Variants in BMP7 observed in about 807,000 individuals in gnomAD.
BMP7 encodes the protein osteogenic protein 1.
In BMP7, 12 loss-of-function variants were observed where a neutral mutation model predicts 41.2. That is an observed-to-expected ratio of 0.29 (90% CI 0.19 to 0.47). The LOEUF (loss-of-function observed/expected upper bound fraction) is 0.47, where lower values mean the gene tolerates loss of function less well. BMP7 is among the 20% of genes least tolerant of loss of function. The pLI is 0.99. For missense variants in BMP7, 467 were observed against 606.0 expected (o/e 0.77, Z 2.41); for synonymous variants, 248 against 250.0 (o/e 0.99, Z 0.07).
intron 3 of BMP7, among the ~76,000 whole-genome samples, chr20:57,201,527 G>T (rs1984619326): frequency 6.6e-6 from 1 of 152,252 alleles, no homozygotes; most frequent in African/African-American, 2.4e-5. Flanking sequence ...AGAAACAGCA[G>T]TTGTCCCTGG....
In BMP7 at chr20:57,235,945, A is replaced by C. The variant is rs981550565; in HGVS notation, c.419-7524T>G. Among the ~76,000 whole-genome samples, 37 of 151,890 alleles carry C rather than the reference A, an allele frequency of 2.4e-4. 1 individual carries two copies. Among genetic ancestry groups the C allele is most frequent in the African/African-American group, 8.9e-4 (37 of 41,440 alleles). ...GGACAGAGGCAGGGAGTGAGGACAG[A>C]GGCAGGGAGTGAGGACAGAGGCAGG... On this transcript the variant is annotated intron_variant, in intron 1 of 6. Coordinates refer to ENST00000395863, the MANE Select transcript of BMP7 (RefSeq NM_001719.3).
At chr20:57,225,058 G>A (rs775447462) in intron 2 of BMP7, among the ~76,000 whole-genome samples, 9 of 152,206 alleles carry the variant, frequency 5.9e-5, no homozygotes, top group African/African-American at 1.7e-4. Context: ...GGCAGCTGGC[G>A]GCACAGAGAC....
At chr20:57,227,095 G>A (rs2066010125) in intron 2 of BMP7, among the ~76,000 whole-genome samples, 1 of 152,124 alleles carries the variant, frequency 6.6e-6, no homozygotes, top group Admixed American at 6.5e-5. Flanking sequence ...CCAAAGTGCT[G>A]GGATTACAGG....
intron 1 of BMP7, among the ~76,000 whole-genome samples, chr20:57,232,772 C>G (rs2066033841): frequency 6.6e-6 from 1 of 151,786 alleles, no homozygotes; most frequent in African/African-American, 2.4e-5. Flanking sequence ...CAATGTTACT[C>G]TATTCTCCCT....
intron 1 of BMP7, among the ~76,000 whole-genome samples, chr20:57,232,379 C>T (rs1221538461): frequency 6.6e-6 from 1 of 152,040 alleles, no homozygotes; most frequent in East Asian, 1.9e-4. Flanking sequence ...GCAACATGTG[C>T]TGTGGGCATT....
intron 1 of BMP7, among the ~76,000 whole-genome samples, chr20:57,234,860 G>A (rs184103161): frequency 6.6e-6 from 1 of 152,292 alleles, no homozygotes; most frequent in East Asian, 1.9e-4. Context: ...TACTCTTCAC[G>A]CAATTCCTTT....
chr20:57,196,648 G>T (rs769013624), intron 3 of BMP7, among the ~76,000 whole-genome samples: 2 of 152,158 alleles, frequency 1.3e-5, no homozygotes, highest in African/African-American at 4.8e-5. Flanking sequence ...CAGGGCCCAC[G>T]AAAACACTAT....
chr20:57,217,087 G>A (rs1985049499), intron 2 of BMP7, among the ~76,000 whole-genome samples: 1 of 152,148 alleles, frequency 6.6e-6, no homozygotes, highest in African/African-American at 2.4e-5. Flanking sequence ...CTCAGCTGGA[G>A]AAAGCTTTCC....
intron 2 of BMP7, among the ~76,000 whole-genome samples, chr20:57,204,409 A>G (rs998872386): frequency 5.3e-5 from 8 of 152,358 alleles, no homozygotes; most frequent in African/African-American, 1.7e-4. Flanking sequence ...AGGCACATCA[A>G]TGTGAACAAG....
intron 2 of BMP7, among the ~76,000 whole-genome samples, chr20:57,212,478 C>T (rs574700522): frequency 6.7e-4 from 102 of 152,334 alleles, no homozygotes; most frequent in African/African-American, 2.3e-3. Context: ...CGCTCCCCGA[C>T]CCCTAGTCTG....
chr20:57,195,243 A>C (rs1263022266), intron 3 of BMP7, among the ~76,000 whole-genome samples: 1 of 152,168 alleles, frequency 6.6e-6, no homozygotes, highest in African/African-American at 2.4e-5. Flanking sequence ...CAGGGGTGGC[A>C]TCTCGGTTTC....
intron 2 of BMP7, among the ~76,000 whole-genome samples, chr20:57,219,620 C>T (rs535092628): frequency 3.3e-5 from 5 of 152,232 alleles, no homozygotes; most frequent in South Asian, 4.1e-4. Flanking sequence ...GTCACTACTG[C>T]GGAGGCTCGG....
intron 1 of BMP7, among the ~76,000 whole-genome samples, chr20:57,247,767 A>T (rs2066096078): frequency 1.3e-5 from 2 of 152,104 alleles, no homozygotes; most frequent in African/African-American, 4.8e-5. Flanking sequence ...TGCTCTGTTC[A>T]TCCTCCACTC....
Position 57,169,653 on chromosome 20 carries a change from C to T in BMP7, c.*1306G>A, listed in dbSNP as rs1270696386. 2.6e-5 allele frequency: 4 copies of T among 152,174 alleles called. No homozygotes were observed. The highest frequency in any genetic ancestry group is 9.7e-5 in the African/African-American group (4 of 41,438). The allele number at this position is 152,174 out of a possible 1,614,324, so 9.4% of individuals were successfully genotyped here. ...CAGCCACGGGTGCCCTTGCCAGGGC[C>T]CAGCCTTGGAATGCCACTGCAGACA... On this transcript the variant is annotated 3_prime_UTR_variant, in exon 7 of 7. Coordinates refer to ENST00000395863, the MANE Select transcript of BMP7 (RefSeq NM_001719.3).
intron 1 of BMP7, among the ~76,000 whole-genome samples, chr20:57,263,384 C>A (rs774590189): frequency 1.3e-5 from 2 of 152,216 alleles, no homozygotes; most frequent in African/African-American, 2.4e-5. Flanking sequence ...CAAACAAGTC[C>A]CAGCTTGCTC....
intron 3 of BMP7, among the ~76,000 whole-genome samples, chr20:57,199,611 G>GA (rs1984576658): frequency 2.0e-5 from 3 of 152,174 alleles, no homozygotes; most frequent in Admixed American, 2.0e-4. Context: ...GGGTGACCCT[G>GA]AAGGACGCCA....
chr20:57,172,428 A>G (rs1983833499), intron 6 of BMP7, among the ~76,000 whole-genome samples: 3 of 152,226 alleles, frequency 2.0e-5, no homozygotes, highest in South Asian at 4.1e-4. Context: ...AACACACAGG[A>G]CAGGGACAAG....
At chr20:57,205,236 G>A (rs966976785) in intron 2 of BMP7, among the ~76,000 whole-genome samples, 1 of 152,174 alleles carries the variant, frequency 6.6e-6, no homozygotes, top group Non-Finnish European at 1.5e-5. Flanking sequence ...TCTTTTTAGA[G>A]CCACACAGGA....
Position 57,170,086 on chromosome 20 carries a change from T to C in BMP7, c.*873A>G, listed in dbSNP as rs1983781271. On this transcript the variant is annotated 3_prime_UTR_variant, in exon 7 of 7. Transcript: ENST00000395863. The stretch of plus-strand genomic sequence containing the variant: ...GGTGCTTCTTAACAACAGGGTTGAG[T>C]TGCAAGTTCCATCCTACTTGCTGTC... 6.6e-6 allele frequency: 1 copy of C among 152,176 alleles called. No homozygotes were observed. Among genetic ancestry groups the C allele is most frequent in the Admixed American group, 6.6e-5 (1 of 15,252 alleles). 9.4% of individuals were successfully genotyped at this position (152,176 alleles called of 1,614,324 possible).
Sources: gnomAD v4.1 joint callset for allele counts (sites outside exome capture counted in the v4.1 genomes callset) on GRCh38, gnomAD v4.1.1 for gene constraint, MANE v1.5 for transcripts, NCBI Gene and HGNC (gene_info 2026-07-23, HGNC 2026-07-21) for gene names.